The following MACROH2A2 variants were observed in gnomAD, a reference collection of about 807,000 sequenced individuals.
MACROH2A2 encodes macroH2A.2 histone.
A neutral mutation model predicts 37.6 loss-of-function variants in MACROH2A2; 6 were observed. The ratio of observed to expected loss-of-function variants is 0.16; its 90% CI spans 0.09 to 0.32. The LOEUF is 0.32. Among genes scored for constraint, MACROH2A2 ranks in the 10% least tolerant of loss-of-function variants. The pLI is 1.00. For synonymous variants in MACROH2A2, 192 were observed against 202.7 expected (o/e 0.95, Z 0.45); for missense variants, 290 against 485.9 (o/e 0.60, Z 3.79).
At position 70,107,070 on chromosome 10, in the gene MACROH2A2, A is replaced by G. The variant is rs2072342379; in HGVS notation, c.779-1963A>G. Among the ~76,000 whole-genome samples, 1 of 152,118 alleles carries G rather than the reference A, an allele frequency of 6.6e-6. No individual in the cohort carries two copies. The highest frequency in any genetic ancestry group is 2.1e-4 in the South Asian group (1 of 4,832). ...AGGGACACTCTGCTTCTGGTGCACA[A>G]ATATACGTGGTCGTAGAGTCAGCAC... On this transcript the variant is annotated intron_variant, in intron 7 of 8. Transcript: ENST00000373255. This position sits in a 1 kb window ranked among gnomAD's most constrained non-coding sequence, Gnocchi z 4.4.
chr10:70,085,128 A>G (rs970967503), intron 2 of MACROH2A2, among the ~76,000 whole-genome samples: 4 of 152,104 alleles, frequency 2.6e-5, no homozygotes, highest in Non-Finnish European at 5.9e-5. Flanking sequence ...GGAGATGGGG[A>G]GTGGGAGAGG....
At chr10:70,059,676 C>T (rs756080440) in intron 1 of MACROH2A2, among the ~76,000 whole-genome samples, 4 of 152,054 alleles carry the variant, frequency 2.6e-5, no homozygotes, top group Non-Finnish European at 5.9e-5. Context: ...TGGCCTCCTA[C>T]AAATTTTTGT....
At position 70,053,013 on chromosome 10, in the gene MACROH2A2, T is replaced by C. The variant is rs1236846727; in HGVS notation, c.-60+13T>C. On this transcript the variant is annotated intron_variant, in intron 1 of 8. Coordinates refer to ENST00000373255, the MANE Select transcript of MACROH2A2 (RefSeq NM_018649.3). This position sits in a 1 kb window ranked among gnomAD's most constrained non-coding sequence, Gnocchi z 4.8. ...GGCGCAGCACCAGGTGAGCCCGCCA[T>C]GGCGATGGCATTATTGTTTAGGGTG... 1 of 152,224 alleles carries C rather than the reference T, an allele frequency of 6.6e-6. No homozygotes were observed. Among genetic ancestry groups the C allele is most frequent in the Non-Finnish European group, 1.5e-5 (1 of 68,108 alleles). The allele number at this position is 152,224 out of a possible 1,614,324, so 9.4% of individuals were successfully genotyped here. A position where few individuals can be genotyped will look rare whatever the true frequency, so the allele number is the denominator to read the frequency against.
At chr10:70,087,174 A>C (rs2072216963) in intron 2 of MACROH2A2, among the ~76,000 whole-genome samples, 1 of 151,514 alleles carries the variant, frequency 6.6e-6, no homozygotes, top group Admixed American at 6.6e-5. Context: ...CAGAGGTGAG[A>C]TCCTGTCTCC....
chr10:70,094,094 A>T (rs538059322), intron 5 of MACROH2A2, among the ~76,000 whole-genome samples: 10 of 152,334 alleles, frequency 6.6e-5, no homozygotes, highest in African/African-American at 2.4e-4. Flanking sequence ...CTTTCTGGTC[A>T]GTAGATAGGA....
chr10:70,092,111 C>T lies in MACROH2A2; in HGVS notation c.477+157C>T, dbSNP rs572952786. ...TAACTAGATCATGAGGGCGAGTCCT[C>T]ACGAATGGGAACAGTCCCCTTATAA... On this transcript the variant is annotated intron_variant, in intron 4 of 8. Coordinates refer to ENST00000373255, the MANE Select transcript of MACROH2A2 (RefSeq NM_018649.3). 2.0e-5 allele frequency among the ~76,000 whole-genome samples: 3 copies of T among 152,258 alleles called. No individual in the cohort carries two copies. In the South Asian group the frequency reaches 6.2e-4, roughly 32 times the overall value.
At chr10:70,093,021 G>C (rs1215520652) in intron 4 of MACROH2A2, among the ~76,000 whole-genome samples, 1 of 150,736 alleles carries the variant, frequency 6.6e-6, no homozygotes, top group African/African-American at 2.4e-5. Flanking sequence ...TTTTTTAAGA[G>C]ACAGGGGTCT....
intron 1 of MACROH2A2, among the ~76,000 whole-genome samples, chr10:70,060,181 C>T (rs1217432345): frequency 6.6e-6 from 1 of 151,836 alleles, no homozygotes; most frequent in Non-Finnish European, 1.5e-5. Flanking sequence ...ACCAGTCTGG[C>T]CCACATGCTG....
At chr10:70,083,618 A>G (rs1465973758) in intron 2 of MACROH2A2, among the ~76,000 whole-genome samples, 3 of 151,964 alleles carry the variant, frequency 2.0e-5, no homozygotes, top group Non-Finnish European at 4.4e-5. Flanking sequence ...ATTCTCAGCC[A>G]CACTGGGTGA....
chr10:70,104,642 T>C (rs2072326195), intron 7 of MACROH2A2, among the ~76,000 whole-genome samples: 1 of 152,130 alleles, frequency 6.6e-6, no homozygotes, highest in African/African-American at 2.4e-5. Flanking sequence ...GCTATTGCAC[T>C]CCAGCCTGGG....
At chr10:70,097,591 T>A (rs992255022) in intron 6 of MACROH2A2, among the ~76,000 whole-genome samples, 10 of 152,170 alleles carry the variant, frequency 6.6e-5, no homozygotes, top group South Asian at 4.1e-4. Context: ...TGCAATCAGA[T>A]GCAATAATCA....
At chr10:70,068,945 T>C (rs1376002168) in intron 1 of MACROH2A2, among the ~76,000 whole-genome samples, 2 of 152,230 alleles carry the variant, frequency 1.3e-5, no homozygotes, top group African/African-American at 4.8e-5. Flanking sequence ...TGTTCAATAA[T>C]AAATGCTCCA....
At chr10:70,081,871 G>T (rs2072179036) in intron 2 of MACROH2A2, among the ~76,000 whole-genome samples, 1 of 152,092 alleles carries the variant, frequency 6.6e-6, no homozygotes, top group Admixed American at 6.5e-5. Context: ...TAACACCAAG[G>T]ATAAATGCTT....
Position 70,053,954 on chromosome 10 carries a change from G to A in MACROH2A2, c.-60+954G>A, listed in dbSNP as rs902286372. ...GGCGCGGCGGTTGGGGACCAGCCCT[G>A]CCTCCCCCGGCTCCCAGCCTCCAGC... On this transcript the variant is annotated intron_variant, in intron 1 of 8. Coordinates refer to ENST00000373255, the MANE Select transcript of MACROH2A2 (RefSeq NM_018649.3). This position sits in a 1 kb window ranked among gnomAD's most constrained non-coding sequence, Gnocchi z 4.8. 6.6e-6 allele frequency among the ~76,000 whole-genome samples: 1 copy of A among 152,208 alleles called. No individual in the cohort carries two copies.
rs551393936 is a variant in MACROH2A2 at position 70,107,572 on chromosome 10, C to T, written c.779-1461C>T. Among the ~76,000 whole-genome samples, 214 of 152,320 alleles carry T rather than the reference C, an allele frequency of 1.4e-3. No homozygotes were observed. The highest frequency in any genetic ancestry group is 2.4e-3 in the Admixed American group (36 of 15,300). Reference sequence around the variant, plus strand: ...GGAACTGCTCCCCTGGGGAGTCCCACAGGGACTTCCCTCGAGCTTAGCAGC... The same window carrying T: ...GGAACTGCTCCCCTGGGGAGTCCCATAGGGACTTCCCTCGAGCTTAGCAGC... On this transcript the variant is annotated intron_variant, in intron 7 of 8. Transcript: ENST00000373255. This position sits in a 1 kb window ranked among gnomAD's most constrained non-coding sequence, Gnocchi z 4.4.
chr10:70,063,913 C>T (rs1160011028), intron 1 of MACROH2A2, among the ~76,000 whole-genome samples: 2 of 152,320 alleles, frequency 1.3e-5, no homozygotes, highest in East Asian at 1.9e-4. Context: ...GGAACTGCGG[C>T]GAAGGTGGGG....
At chr10:70,061,832 AT>A (rs2072051972) in intron 1 of MACROH2A2, among the ~76,000 whole-genome samples, 1 of 152,210 alleles carries the variant, frequency 6.6e-6, no homozygotes, top group Non-Finnish European at 1.5e-5. Flanking sequence ...TTTTGATGAA[AT>A]TGCATTTGAT....
At chr10:70,085,814 G>A (rs1170216499) in intron 2 of MACROH2A2, among the ~76,000 whole-genome samples, 1 of 152,142 alleles carries the variant, frequency 6.6e-6, no homozygotes, top group Non-Finnish European at 1.5e-5. Flanking sequence ...TAAATTTAGT[G>A]CTGTATAAAT....
chr10:70,070,382 A>T (rs931472346), intron 1 of MACROH2A2, among the ~76,000 whole-genome samples: 3 of 152,180 alleles, frequency 2.0e-5, no homozygotes, highest in Non-Finnish European at 4.4e-5. Flanking sequence ...GTTCAGGATG[A>T]TTCTTACATT....
Sources: allele counts gnomAD v4.1 joint callset (sites outside exome capture counted in the v4.1 genomes callset), GRCh38; gene constraint gnomAD v4.1.1; non-coding constraint Gnocchi (gnomAD v3.1); transcripts MANE v1.5; gene names NCBI Gene and HGNC (gene_info 2026-07-23, HGNC 2026-07-21).